SCLT1: variants seen among roughly 807,000 people sequenced by gnomAD.
The protein encoded by SCLT1 is sodium channel-associated protein 1.
In SCLT1, 78 loss-of-function variants were observed where a neutral mutation model predicts 112.8. The ratio of observed to expected loss-of-function variants is 0.69; its 90% CI spans 0.58 to 0.83. SCLT1 has a LOEUF of 0.83. Ranked by LOEUF, SCLT1 falls within the 40% of genes least tolerant of loss-of-function variation. The pLI is 0.00. For synonymous variants in SCLT1, 257 were observed against 254.7 expected, an observed-to-expected ratio of 1.01 and a Z score of -0.09; for missense variants, 747 against 770.4, an observed-to-expected ratio of 0.97 and a Z score of 0.36.
chr4:129,080,180 G>A (rs1042045762), intron 2 of SCLT1, among the ~76,000 whole-genome samples: 1 of 152,168 alleles, frequency 6.6e-6, no homozygotes, highest in Non-Finnish European at 1.5e-5. Context: ...ATTGTCTTGG[G>A]CATTCAGCTC....
chr4:128,945,443 TA>T (rs550551545), intron 16 of SCLT1, among the ~76,000 whole-genome samples: 450 of 152,114 alleles, frequency 3.0e-3, no homozygotes, highest in African/African-American at 5.2e-3. Context: ...GATCTCTTAC[TA>T]AAAAAAATCT....
intron 18 of SCLT1, among the ~76,000 whole-genome samples, chr4:128,908,686 A>C (rs1205253894): frequency 6.6e-6 from 1 of 152,240 alleles, no homozygotes; most frequent in Non-Finnish European, 1.5e-5. Flanking sequence ...AACAGTGTTC[A>C]CCAGACATTC....
intron 9 of SCLT1, among the ~76,000 whole-genome samples, chr4:128,973,558 C>T (rs557261906): frequency 6.6e-6 from 1 of 151,764 alleles, no homozygotes; most frequent in African/African-American, 2.4e-5. Context: ...TACAGTACAA[C>T]TATATCTTGA....
intron 11 of SCLT1, 29 bp downstream of exon 11, chr4:128,965,198 A>G: frequency 1.8e-6 from 2 of 1,139,254 alleles, no homozygotes; most frequent in Non-Finnish European, 2.6e-6. Context: ...AAAGCATATC[A>G]ACAAAGCTAG....
In SCLT1 at chr4:128,957,232, A is replaced by G. The variant is rs1739297444; in HGVS notation, c.1048-108T>C. ...CTTCCTTATTCAAAACTTCTGGGACATCTCTACTTGAATATCATGTTGAAA... is the reference window on the plus strand; with the variant it reads ...CTTCCTTATTCAAAACTTCTGGGACGTCTCTACTTGAATATCATGTTGAAA... On this transcript the variant is annotated intron_variant, in intron 12 of 20. Coordinates refer to ENST00000281142, the MANE Select transcript of SCLT1 (RefSeq NM_144643.4). 17 of 590,214 alleles carry G rather than the reference A, an allele frequency of 2.9e-5. No homozygotes were observed. In the South Asian group the frequency reaches 3.7e-4, roughly 13 times the overall value. 36.6% of individuals were successfully genotyped at this position (590,214 alleles called of 1,614,324 possible).
At chr4:128,891,009 G>C in intron 19 of SCLT1, 50 bp downstream of exon 19, 1 of 1,276,564 alleles carries the variant, frequency 7.8e-7, no homozygotes. Flanking sequence ...TCTATAACAT[G>C]TGTATCATGC....
chr4:129,034,267 C>T (rs1377521245), intron 5 of SCLT1, among the ~76,000 whole-genome samples: 1 of 151,798 alleles, frequency 6.6e-6, no homozygotes, highest in Non-Finnish European at 1.5e-5. Flanking sequence ...AGGATATTGT[C>T]AGCACAAATG....
intron 2 of SCLT1, among the ~76,000 whole-genome samples, chr4:129,045,165 A>C (rs1426179183): frequency 1.3e-5 from 2 of 151,998 alleles, no homozygotes; most frequent in Non-Finnish European, 2.9e-5. Context: ...TGCATTATTG[A>C]CCTTGAGTTA....
At chr4:129,013,334 A>G (rs1215498964) in intron 5 of SCLT1, among the ~76,000 whole-genome samples, 7 of 152,218 alleles carry the variant, frequency 4.6e-5, no homozygotes, top group African/African-American at 1.7e-4. Flanking sequence ...ATTGATATGT[A>G]TGGATTTGAT....
At chr4:129,047,079 T>G (rs1043210602) in intron 2 of SCLT1, among the ~76,000 whole-genome samples, 3 of 152,108 alleles carry the variant, frequency 2.0e-5, no homozygotes, top group Non-Finnish European at 2.9e-5. Flanking sequence ...GCTTGTCTTT[T>G]TACTTTCTTA....
chr4:129,052,875 A>G (rs897006193), intron 2 of SCLT1, among the ~76,000 whole-genome samples: 45 of 152,210 alleles, frequency 3.0e-4, no homozygotes, highest in African/African-American at 1.1e-3. Context: ...TGGTGCTATA[A>G]ATTTCCCTCT....
At chr4:129,023,445 G>A (rs1037762461) in intron 5 of SCLT1, among the ~76,000 whole-genome samples, 3 of 152,160 alleles carry the variant, frequency 2.0e-5, no homozygotes, top group Admixed American at 6.5e-5. Context: ...TAAAGGGATG[G>A]AGGAATATTT....
intron 1 of SCLT1, among the ~76,000 whole-genome samples, chr4:129,084,782 C>G (rs1195813847): frequency 1.3e-5 from 2 of 152,160 alleles, no homozygotes; most frequent in South Asian, 4.1e-4. Flanking sequence ...AAAGAATTCC[C>G]TACTTTAAAT....
intron 18 of SCLT1, among the ~76,000 whole-genome samples, chr4:128,891,534 AT>A (rs1189484312): frequency 9.9e-5 from 15 of 152,114 alleles, no homozygotes. Context: ...CTTCAACATT[AT>A]TTTGAGATAC....
At chr4:128,903,398 A>C (rs1042043536) in intron 18 of SCLT1, among the ~76,000 whole-genome samples, 1 of 152,190 alleles carries the variant, frequency 6.6e-6, no homozygotes, top group African/African-American at 2.4e-5. Context: ...GTACATTACC[A>C]TATTTGCTGA....
intron 18 of SCLT1, among the ~76,000 whole-genome samples, chr4:128,902,966 G>C (rs1734435175): frequency 6.6e-6 from 1 of 152,042 alleles, no homozygotes; most frequent in South Asian, 2.1e-4. Flanking sequence ...CCCACTGGAA[G>C]GTCTTCAGGA....
intron 18 of SCLT1, among the ~76,000 whole-genome samples, chr4:128,902,446 G>T (rs1480797102): frequency 6.6e-6 from 1 of 152,122 alleles, no homozygotes; most frequent in African/African-American, 2.4e-5. Flanking sequence ...AACCTGTACA[G>T]CATGTTACTG....
At chr4:128,968,259 C>A (rs981363045) in intron 10 of SCLT1, among the ~76,000 whole-genome samples, 1 of 152,032 alleles carries the variant, frequency 6.6e-6, no homozygotes, top group Admixed American at 6.6e-5. Context: ...GTTCATTTTT[C>A]TTCAATCTTT....
rs777748812 is a variant in SCLT1 at position 128,952,900 on chromosome 4, T to TA, written c.1147-61dup. The TA allele has an allele frequency of 6.9e-4, 572 of 828,592 alleles. 1 individual carries two copies. The highest frequency in any genetic ancestry group is 1.4e-3 in the Middle Eastern group (5 of 3,634). The allele number at this position is 828,592 out of a possible 1,614,324, so 51.3% of individuals were successfully genotyped here. A position where few individuals can be genotyped will look rare whatever the true frequency, so the allele number is the denominator to read the frequency against. ...TAGAATAAAAATGATTAATATCTGA[T>TA]AAAAACACTCAGGATAATAATTTTG... On this transcript the variant is annotated intron_variant, in intron 13 of 20. Transcript: ENST00000281142.
Sources: gnomAD v4.1 joint callset for allele counts (sites outside exome capture counted in the v4.1 genomes callset) on GRCh38, gnomAD v4.1.1 for gene constraint, MANE v1.5 for transcripts, NCBI Gene and HGNC (gene_info 2026-07-23, HGNC 2026-07-21) for gene names.